The following CMYA5 variants were observed in gnomAD, a reference collection of about 807,000 sequenced individuals.
CMYA5 encodes cardiomyopathy associated 5.
CMYA5 carries 246 observed loss-of-function variants against 318.9 expected under a neutral mutation model. That is an observed-to-expected ratio of 0.77 (90% CI 0.70 to 0.86). The LOEUF (loss-of-function observed/expected upper bound fraction) is 0.86. Among genes scored for constraint, CMYA5 ranks in the 40% least tolerant of loss-of-function variants. The pLI is 0.00. For synonymous variants in CMYA5, 1,641 were observed against 1,729.5 expected (o/e 0.95, Z 1.27); for missense variants, 4,589 against 4,678.2 (o/e 0.98, Z 0.56).
At chr5:79,799,264 T>A in intron 12 of CMYA5, 106 bp from the exon 13 acceptor site, 1 of 1,146,276 alleles carries the variant, frequency 8.7e-7, no homozygotes, top group Admixed American at 2.7e-5. Flanking sequence ...CTCCTTATTG[T>A]GAAGTGGAGT....
rs754596729 is a variant in CMYA5 at position 79,738,543 on chromosome 5, C to G, written c.9778C>G (p.Gln3260Glu). The change falls in exon 2 of 13, where the codon CAA becomes GAA. Residue 3260 changes from glutamine to glutamate, a missense_variant. This residue lies in a region of CMYA5 where 2,431 missense variants were observed against 2,495.1 expected (regional missense o/e 0.97). Transcript: ENST00000446378. Reference protein sequence around the residue: ...DTSLTQKDQGQGLEEKRVGKD... With the variant: ...DTSLTQKDQGEGLEEKRVGKD... Reference sequence around the variant, plus strand: ...ATCTCTAACTCAAAAGGACCAGGGCCAAGGTCTGGAAGAAAAACGAGTTGG... The same window carrying G: ...ATCTCTAACTCAAAAGGACCAGGGCGAAGGTCTGGAAGAAAAACGAGTTGG... The G allele has an allele frequency of 1.2e-5, 19 of 1,613,236 alleles. No homozygotes were observed. The East Asian group carries it at 1.6e-4, about 13-fold the overall frequency.
intron 9 of CMYA5, among the ~76,000 whole-genome samples, chr5:79,787,271 G>T (rs1829098966): frequency 6.6e-6 from 1 of 152,100 alleles, no homozygotes; most frequent in Non-Finnish European, 1.5e-5. Context: ...CAGGGCCTGG[G>T]CACATGATAA....
chr5:79,763,083 G>A lies in CMYA5; in HGVS notation c.11429G>A (p.Arg3810His), dbSNP rs1230455915. The A allele has an allele frequency of 9.9e-6, 16 of 1,613,706 alleles. No individual in the cohort carries two copies. Among genetic ancestry groups the A allele is most frequent in the Admixed American group, 5.0e-5 (3 of 59,986 alleles). ...FRTAPSTPVI[R>H]AEDCTVCWNT... ...GCAGCACCCTCCACCCCTGTGATCC[G>A]CGCTGAGGACTGTACTGTGTGTTGG... is the stretch of plus-strand genomic sequence containing the variant. Residue 3810 changes from arginine (R) to histidine (H), a missense_variant, in exon 9 of 13, where the codon CGC (arginine) becomes CAC (histidine). Physicochemically the swap from Arg to His is conservative, Grantham distance 29 (BLOSUM62 0). Coordinates refer to ENST00000446378, the MANE Select transcript of CMYA5 (RefSeq NM_153610.5).
chr5:79,777,156 G>A (rs1325663485), intron 9 of CMYA5, among the ~76,000 whole-genome samples: 1 of 152,108 alleles, frequency 6.6e-6, no homozygotes, highest in Non-Finnish European at 1.5e-5. Context: ...TGGTAATATA[G>A]CTCTTAAAAG....
intron 9 of CMYA5, among the ~76,000 whole-genome samples, chr5:79,777,269 C>T (rs1828954993): frequency 6.6e-6 from 1 of 152,138 alleles, no homozygotes; most frequent in African/African-American, 2.4e-5. Flanking sequence ...TTCTACCTAT[C>T]CTTTACCTAC....
chr5:79,794,911 C>T (rs1829248519), intron 12 of CMYA5, among the ~76,000 whole-genome samples: 1 of 152,126 alleles, frequency 6.6e-6, no homozygotes, highest in Non-Finnish European at 1.5e-5. Context: ...ATATTCAGTG[C>T]TGTGCAATGC....
intron 5 of CMYA5, among the ~76,000 whole-genome samples, chr5:79,751,352 C>G (rs1365920316): frequency 2.6e-5 from 4 of 152,126 alleles, no homozygotes; most frequent in Non-Finnish European, 5.9e-5. Context: ...TGCCTGGGTT[C>G]ATACCCTTCT....
At chr5:79,705,007 T>C (rs1166901153) in intron 1 of CMYA5, among the ~76,000 whole-genome samples, 3 of 152,196 alleles carry the variant, frequency 2.0e-5, no homozygotes, top group African/African-American at 7.2e-5. Flanking sequence ...GCGCAGTGGC[T>C]CACGCCTGTA....
rs754259269 is a variant in CMYA5, at chr5:79,735,950, T to C, written c.7185T>C (p.Phe2395=). ...AGCCAAAATCAGCTTCCTCCAACTTTGCAAGTAAAAATATCACAAAGGAAT... is the reference window on the plus strand; with the variant it reads ...AGCCAAAATCAGCTTCCTCCAACTTCGCAAGTAAAAATATCACAAAGGAAT... The part of the protein sequence containing the change: ...PQQPKSASSN[F]ASKNITKESE... Residue 2395 remains phenylalanine, a synonymous_variant, in exon 2 of 13, where the codon TTT becomes TTC. Transcript: ENST00000446378. The C allele has an allele frequency of 1.9e-5, 31 of 1,611,816 alleles. No individual in the cohort carries two copies. Among genetic ancestry groups the C allele is most frequent in the Non-Finnish European group, 2.5e-5 (29 of 1,179,336 alleles).
chr5:79,757,767 C>T (rs538010060), intron 6 of CMYA5, among the ~76,000 whole-genome samples: 2 of 152,292 alleles, frequency 1.3e-5, no homozygotes, highest in African/African-American at 4.8e-5. Flanking sequence ...TTGTTGCCTC[C>T]TCTAACCTAC....
At chr5:79,720,290 G>C (rs1827595106) in intron 1 of CMYA5, among the ~76,000 whole-genome samples, 1 of 152,256 alleles carries the variant, frequency 6.6e-6, no homozygotes, top group South Asian at 2.1e-4. Context: ...TAGGGAGGTA[G>C]TGGGGGAAAA....
rs554481950 is a variant in CMYA5, at chr5:79,692,926, G to C, written c.149+2870G>C. ...TAATATTTGCCATAGACAATGCGAGGTGCTGGGGATACAAAAATAAGAATC... is the reference window on the plus strand; with the variant it reads ...TAATATTTGCCATAGACAATGCGAGCTGCTGGGGATACAAAAATAAGAATC... On this transcript the variant is annotated intron_variant, in intron 1 of 12. Transcript: ENST00000446378. Among the ~76,000 whole-genome samples the C allele has an allele frequency of 5.9e-5, 9 of 152,248 alleles. No homozygotes were observed. In the East Asian group the frequency reaches 1.7e-3, roughly 29 times the overall value.
At chr5:79,758,138 G>A (rs2151093907) in intron 6 of CMYA5, among the ~76,000 whole-genome samples, 1 of 151,470 alleles carries the variant, frequency 6.6e-6, no homozygotes, top group South Asian at 2.1e-4. Context: ...GCTGAGGCAG[G>A]AGAATTGCTT....
intron 1 of CMYA5, among the ~76,000 whole-genome samples, chr5:79,697,979 C>A (rs773815088): frequency 7.9e-5 from 12 of 152,112 alleles, no homozygotes; most frequent in Admixed American, 3.9e-4. Flanking sequence ...AGTGTGATTG[C>A]ATTTTCGTAA....
chr5:79,762,097 T>A, intron 8 of CMYA5, 140 bp downstream of exon 8: 1 of 940,196 alleles, frequency 1.1e-6, no homozygotes, highest in Non-Finnish European at 1.5e-6. Context: ...AACGATGACT[T>A]AAGCCTGGGG....
Position 79,736,682 on chromosome 5 carries a change from T to A in CMYA5, c.7917T>A (p.Ala2639=). The A allele has an allele frequency of 6.2e-7, 1 of 1,613,536 alleles. No homozygotes were observed. The highest frequency in any genetic ancestry group is 8.5e-7 in the Non-Finnish European group (1 of 1,179,760). The change falls in exon 2 of 13, where the codon GCT becomes GCA. Residue 2639 remains alanine, a synonymous_variant. Transcript: ENST00000446378. ...VEKTKTFLPV[A]LSCRDEIENH... is the part of the protein sequence containing the mutation. Reference sequence around the variant, plus strand: ...AAACCAAGACTTTCCTGCCGGTGGCTCTTTCTTGTCGTGATGAAATAGAGA... The same window carrying A: ...AAACCAAGACTTTCCTGCCGGTGGCACTTTCTTGTCGTGATGAAATAGAGA...
rs748525420 is a variant in CMYA5 at position 79,730,928 on chromosome 5, A to G, written c.2163A>G (p.Leu721=). 9.9e-6 allele frequency: 16 copies of G among 1,613,888 alleles called. No homozygotes were observed. The Admixed American group carries it at 2.5e-4, about 25-fold the overall frequency. Residue 721 remains leucine (L), a synonymous_variant, in exon 2 of 13, where the codon TTA becomes TTG. Coordinates refer to ENST00000446378, the MANE Select transcript of CMYA5 (RefSeq NM_153610.5). ...AAACAATTGACCGTAAGTCCCCGTTAATATTGAAAGGTGTTTCTGAGTACA... is the reference window on the plus strand; with the variant it reads ...AAACAATTGACCGTAAGTCCCCGTTGATATTGAAAGGTGTTTCTGAGTACA... ...LKKTIDRKSP[L]ILKGVSEYMI...
intron 1 of CMYA5, among the ~76,000 whole-genome samples, chr5:79,695,572 C>A (rs6862410): frequency 0.027 from 4,117 of 152,240 alleles, 189 homozygotes; most frequent in African/African-American, 0.094. Context: ...CTGATAATAC[C>A]TAGAAATCTG....
chr5:79,752,570 T>G (rs528314496), intron 5 of CMYA5, 106 bp from the exon 6 acceptor site: 20 of 696,616 alleles, frequency 2.9e-5, no homozygotes, highest in African/African-American at 9.0e-5. Context: ...CCCTGCCTTA[T>G]GCAAACCACC....
Sources: allele counts gnomAD v4.1 joint callset (sites outside exome capture counted in the v4.1 genomes callset), GRCh38; gene constraint gnomAD v4.1.1; regional missense constraint gnomAD v4.1.1; transcripts MANE v1.5; gene names NCBI Gene and HGNC (gene_info 2026-07-23, HGNC 2026-07-21).